The following MYRIP variants were observed in gnomAD, a reference collection of about 807,000 sequenced individuals.
The protein encoded by MYRIP is myosin VIIA and Rab interacting protein.
MYRIP carries 49 observed loss-of-function variants against 98.0 expected under a neutral mutation model. The ratio of observed to expected loss-of-function variants is 0.50; its 90% CI spans 0.40 to 0.63. The LOEUF (loss-of-function observed/expected upper bound fraction) is 0.63. Among genes scored for constraint, MYRIP ranks in the 30% least tolerant of loss-of-function variants. MYRIP has a pLI of 0.00. For missense variants in MYRIP, 1,004 were observed against 1,058.2 expected, an observed-to-expected ratio of 0.95 and a Z score of 0.71; for synonymous variants, 404 against 409.5, an observed-to-expected ratio of 0.99 and a Z score of 0.16.
At chr3:40,216,718 A>G (rs1952131359) in intron 11 of MYRIP, among the ~76,000 whole-genome samples, 2 of 152,292 alleles carry the variant, frequency 1.3e-5, no homozygotes, top group Middle Eastern at 3.4e-3. Flanking sequence ...CATTGGGGGG[A>G]AAACCCTCTC....
intron 2 of MYRIP, among the ~76,000 whole-genome samples, chr3:39,917,848 A>G (rs115387706): frequency 0.016 from 2,462 of 152,294 alleles, 63 homozygotes; most frequent in African/African-American, 0.056. Context: ...AAAAGTATTA[A>G]GATTCTATTA....
intron 3 of MYRIP, among the ~76,000 whole-genome samples, chr3:40,074,165 C>T (rs1447497351): frequency 6.6e-6 from 1 of 151,826 alleles, no homozygotes; most frequent in East Asian, 1.9e-4. Flanking sequence ...AGCTCCACCT[C>T]CCGGGTTCAC....
rs1486641882 is a variant in MYRIP, at chr3:40,190,117, C to A, written c.1319C>A (p.Pro440Gln). 3 of 1,614,090 alleles carry A rather than the reference C, an allele frequency of 1.9e-6. No individual in the cohort carries two copies. The highest frequency in any genetic ancestry group is 2.5e-6 in the Non-Finnish European group (3 of 1,179,978). The change falls in exon 10 of 17, where the codon CCA becomes CAA. Residue 440 changes from proline (P) to glutamine (Q), a missense_variant. Physicochemically the swap from Pro to Gln is moderately conservative, Grantham distance 76. This residue lies in a region of MYRIP where 880 missense variants were observed against 907.7 expected (regional missense o/e 0.97). Transcript: ENST00000302541. ...SSDQGPIAAS[P>Q]SSALSPNPEA... ...GACCAAGGCCCCATAGCTGCCTCCC[C>A]ATCCTCTGCACTCTCCCCCAACCCT...
At chr3:40,049,247 G>C (rs560763703) in intron 3 of MYRIP, among the ~76,000 whole-genome samples, 21 of 152,150 alleles carry the variant, frequency 1.4e-4, no homozygotes, top group Non-Finnish European at 4.4e-5. Flanking sequence ...CAAATTGAAG[G>C]TTTGTGGCAA....
intron 1 of MYRIP, among the ~76,000 whole-genome samples, chr3:39,856,811 T>C (rs1014073048): frequency 6.6e-6 from 1 of 152,184 alleles, no homozygotes; most frequent in African/African-American, 2.4e-5. Flanking sequence ...GAAGAGATAA[T>C]TAACTCCCCG....
intron 2 of MYRIP, among the ~76,000 whole-genome samples, chr3:39,979,655 CAA>C (rs56328162): frequency 0.012 from 1,537 of 131,128 alleles, 27 homozygotes; most frequent in African/African-American, 0.041. Flanking sequence ...CAAAACAAAA[CAA>C]AAAAAAAAAA....
At chr3:40,222,927 A>G (rs1952378252) in intron 11 of MYRIP, among the ~76,000 whole-genome samples, 1 of 152,386 alleles carries the variant, frequency 6.6e-6, no homozygotes, top group South Asian at 2.1e-4. Context: ...TCTGAGATTT[A>G]CGGTGGAACT....
intron 1 of MYRIP, among the ~76,000 whole-genome samples, chr3:39,896,750 T>G (rs1943619351): frequency 6.6e-6 from 1 of 152,258 alleles, no homozygotes; most frequent in Non-Finnish European, 1.5e-5. Context: ...TTTAAGCATT[T>G]GTCCTTGACC....
intron 2 of MYRIP, among the ~76,000 whole-genome samples, chr3:39,918,120 G>C (rs1352725994): frequency 6.6e-6 from 1 of 151,954 alleles, no homozygotes; most frequent in Non-Finnish European, 1.5e-5. Flanking sequence ...TAGAGACGGG[G>C]TTTCACCGTG....
rs1456719368 is a variant in MYRIP, at chr3:40,056,032, C to T, written c.332+11761C>T. 7.2e-5 allele frequency among the ~76,000 whole-genome samples: 11 copies of T among 152,332 alleles called. No homozygotes were observed. In the East Asian group the frequency reaches 2.1e-3, roughly 29 times the overall value. On this transcript the variant is annotated intron_variant, in intron 3 of 16. Coordinates refer to ENST00000302541, the MANE Select transcript of MYRIP (RefSeq NM_015460.4). ...GTGTACAGAGGGGTTTTGATGTTAA[C>T]ATCTAATTCTTCCCCACTAAGGAAG...
chr3:40,234,929 G>T (rs768954045), intron 12 of MYRIP, among the ~76,000 whole-genome samples: 9 of 150,712 alleles, frequency 6.0e-5, no homozygotes, highest in Non-Finnish European at 1.2e-4. Context: ...GGAGGCGAAG[G>T]CTGTAGTGAG....
chr3:40,044,239 G>C lies in MYRIP; in HGVS notation c.300G>C (p.Lys100Asn). Residue 100 changes from lysine to asparagine, a missense_variant, in exon 3 of 17, where the codon AAG becomes AAC. Around this residue, in one of 3 missense-constraint regions of MYRIP, gnomAD observed 880 missense variants for 907.7 expected, o/e 0.97. Transcript: ENST00000302541. ...KSCCSYQKHE[K>N]AWVCCVCQQA... ...GCTGCTCCTACCAGAAGCACGAAAA[G>C]GCCTGGGTCTGCTGCGTCTGCCAGC... 1 of 1,614,184 alleles carries C rather than the reference G, an allele frequency of 6.2e-7. No individual in the cohort carries two copies. The highest frequency in any genetic ancestry group is 8.5e-7 in the Non-Finnish European group (1 of 1,180,010).
intron 2 of MYRIP, among the ~76,000 whole-genome samples, chr3:39,901,411 C>A (rs946365768): frequency 6.6e-6 from 1 of 152,142 alleles, no homozygotes; most frequent in Non-Finnish European, 1.5e-5. Flanking sequence ...TGGCTTAGCA[C>A]CACTTCCCTC....
In MYRIP at chr3:39,995,579, C is replaced by T. The variant is rs139472632; in HGVS notation, c.111-48471C>T. 1.6e-3 allele frequency among the ~76,000 whole-genome samples: 243 copies of T among 152,226 alleles called. 2 individuals are homozygous for T. The highest frequency in any genetic ancestry group is 5.6e-3 in the African/African-American group (233 of 41,522). The stretch of plus-strand genomic sequence containing the variant: ...GTCTGATTGGTGTACTTGAAAGTGA[C>T]GGGGAGAATGGAACCAAGTTGGAAA... On this transcript the variant is annotated intron_variant, in intron 2 of 16. Coordinates refer to ENST00000302541, the MANE Select transcript of MYRIP (RefSeq NM_015460.4).
chr3:40,143,977 G>C (rs1323727317), intron 3 of MYRIP, among the ~76,000 whole-genome samples: 1 of 152,126 alleles, frequency 6.6e-6, no homozygotes, highest in Non-Finnish European at 1.5e-5. Context: ...AAAATATTTC[G>C]GAATGCTATA....
intron 10 of MYRIP, among the ~76,000 whole-genome samples, chr3:40,204,172 A>ATTG (rs1951721241): frequency 2.8e-3 from 1 of 358 alleles, no homozygotes; most frequent in East Asian, 0.25. Flanking sequence ...TATAATATTT[A>ATTG]TATATTATAT....
intron 2 of MYRIP, among the ~76,000 whole-genome samples, chr3:39,994,176 T>C (rs915649120): frequency 3.9e-5 from 6 of 152,002 alleles, no homozygotes; most frequent in Non-Finnish European, 7.4e-5. Flanking sequence ...CACTGGGGAG[T>C]GTCGGACAGT....
chr3:39,815,240 C>T (rs1253422489), intron 1 of MYRIP, among the ~76,000 whole-genome samples: 1 of 152,130 alleles, frequency 6.6e-6, no homozygotes, highest in African/African-American at 2.4e-5. Context: ...TATACATTTG[C>T]CCATTCTGGA....
At chr3:39,938,634 T>G (rs59726409) in intron 2 of MYRIP, among the ~76,000 whole-genome samples, 10,209 of 152,170 alleles carry the variant, frequency 0.067, 620 homozygotes, top group East Asian at 0.25. Flanking sequence ...AAATTTGGTA[T>G]TATCTGTTTT....
Sources: allele counts gnomAD v4.1 joint callset (sites outside exome capture counted in the v4.1 genomes callset), GRCh38; gene constraint gnomAD v4.1.1; regional missense constraint gnomAD v4.1.1; transcripts MANE v1.5; gene names NCBI Gene and HGNC (gene_info 2026-07-23, HGNC 2026-07-21).